COG5: variants seen among roughly 807,000 people sequenced by gnomAD.
The protein encoded by COG5 is conserved oligomeric Golgi complex subunit 5.
A neutral mutation model predicts 110.4 loss-of-function variants in COG5; 86 were observed. The ratio of observed to expected loss-of-function variants is 0.78; its 90% CI spans 0.65 to 0.93. The LOEUF is 0.93. COG5 is among the 40% of genes least tolerant of loss of function. COG5 has a pLI of 0.00. For synonymous variants in COG5, 360 were observed against 334.6 expected, an observed-to-expected ratio of 1.08 and a Z score of -0.83; for missense variants, 1,077 against 987.0, an observed-to-expected ratio of 1.09 and a Z score of -1.22.
At chr7:107,541,599 A>G (rs981944675) in intron 5 of COG5, among the ~76,000 whole-genome samples, 3 of 148,512 alleles carry the variant, frequency 2.0e-5, no homozygotes, top group African/African-American at 7.4e-5. Flanking sequence ...ATGTCATAAC[A>G]GAAAGAGAAG....
intron 6 of COG5, among the ~76,000 whole-genome samples, chr7:107,415,245 T>G (rs564874881): frequency 6.6e-6 from 1 of 152,154 alleles, no homozygotes; most frequent in African/African-American, 2.4e-5. Flanking sequence ...TAAATCTTCA[T>G]GCACCATGAT....
chr7:107,562,602 A>G (rs928565623), intron 1 of COG5, among the ~76,000 whole-genome samples: 2 of 152,238 alleles, frequency 1.3e-5, no homozygotes, highest in Admixed American at 6.5e-5. Context: ...AACTGCAAAT[A>G]TATCAGGGTC....
At chr7:107,407,358 G>A (rs1393646470) in intron 7 of COG5, among the ~76,000 whole-genome samples, 2 of 151,914 alleles carry the variant, frequency 1.3e-5, no homozygotes, top group African/African-American at 4.8e-5. Flanking sequence ...CTCCAACCTG[G>A]GCAACAAGCG....
chr7:107,412,654 ACATT>A (rs1412220191), intron 6 of COG5, 22 bp from the exon 7 acceptor site: 7 of 1,370,000 alleles, frequency 5.1e-6, no homozygotes, highest in Non-Finnish European at 7.2e-6. Flanking sequence ...AAAAACATAC[ACATT>A]CAAATATTTC....
At chr7:107,478,666 G>T (rs1214176377) in intron 6 of COG5, among the ~76,000 whole-genome samples, 1 of 151,862 alleles carries the variant, frequency 6.6e-6, no homozygotes, top group Non-Finnish European at 1.5e-5. Flanking sequence ...CATAGTACAT[G>T]ATATACTATA....
intron 3 of COG5, among the ~76,000 whole-genome samples, chr7:107,548,586 TG>T (rs988085137): frequency 6.6e-6 from 1 of 152,196 alleles, no homozygotes; most frequent in African/African-American, 2.4e-5. Context: ...GGTTTCCATC[TG>T]GGGTGATGGA....
At chr7:107,415,377 A>C (rs1316485767) in intron 6 of COG5, among the ~76,000 whole-genome samples, 1 of 152,208 alleles carries the variant, frequency 6.6e-6, no homozygotes, top group Non-Finnish European at 1.5e-5. Context: ...GAGAAAGAGT[A>C]AATGAGGCCA....
At chr7:107,412,710 CT>C in intron 6 of COG5, 78 bp from the exon 7 acceptor site, 1 of 785,548 alleles carries the variant, frequency 1.3e-6, no homozygotes, top group Non-Finnish European at 1.9e-6. Context: ...TGTATAACTT[CT>C]CAAAAAAAAA....
At chr7:107,450,654 G>A (rs1160174929) in intron 6 of COG5, among the ~76,000 whole-genome samples, 2 of 152,206 alleles carry the variant, frequency 1.3e-5, no homozygotes, top group Non-Finnish European at 2.9e-5. Context: ...TAGCTCCATT[G>A]TATTGTGCAA....
At chr7:107,533,199 C>T (rs550390757) in intron 5 of COG5, among the ~76,000 whole-genome samples, 7 of 151,542 alleles carry the variant, frequency 4.6e-5, no homozygotes, top group Non-Finnish European at 7.4e-5. Flanking sequence ...GATAAATCCA[C>T]GAAGATGAGG....
At chr7:107,280,365 A>G (rs1460036929) in intron 14 of COG5, among the ~76,000 whole-genome samples, 1 of 152,120 alleles carries the variant, frequency 6.6e-6, no homozygotes, top group Non-Finnish European at 1.5e-5. Context: ...TCGTAACATG[A>G]CTGTTACCTC....
rs1801778009 is a variant in COG5, at chr7:107,538,859, G to A, written c.417+9252C>T. Among the ~76,000 whole-genome samples the A allele has an allele frequency of 1.3e-5, 2 of 152,014 alleles. 1 individual carries two copies. The highest frequency in any genetic ancestry group is 4.1e-4 in the South Asian group (2 of 4,828). ...ACAACCTAAATATTCATCAACTGATGAAAGGATAAACAAATTGAATGGATA... is the reference window on the plus strand; with the variant it reads ...ACAACCTAAATATTCATCAACTGATAAAAGGATAAACAAATTGAATGGATA... On this transcript the variant is annotated intron_variant, in intron 5 of 21. Coordinates refer to ENST00000297135, the MANE Select transcript of COG5 (RefSeq NM_006348.5).
chr7:107,563,172 A>T (rs1399681702), intron 1 of COG5, among the ~76,000 whole-genome samples: 2 of 152,138 alleles, frequency 1.3e-5, no homozygotes, highest in Non-Finnish European at 2.9e-5. Context: ...ATTTTGGGCA[A>T]CTTCTCTCCA....
chr7:107,292,752 G>C (rs1394791140), intron 12 of COG5, among the ~76,000 whole-genome samples: 1 of 152,156 alleles, frequency 6.6e-6, no homozygotes, highest in Admixed American at 6.5e-5. Flanking sequence ...GAAGATAAGA[G>C]TAATCACCCC....
At chr7:107,491,939 T>A (rs935501686) in intron 6 of COG5, among the ~76,000 whole-genome samples, 1 of 152,124 alleles carries the variant, frequency 6.6e-6, no homozygotes, top group Non-Finnish European at 1.5e-5. Context: ...ATGAACTTCA[T>A]TAATCTGCAT....
chr7:107,539,445 T>C (rs1351346739), intron 5 of COG5, among the ~76,000 whole-genome samples: 1 of 152,190 alleles, frequency 6.6e-6, no homozygotes, highest in African/African-American at 2.4e-5. Flanking sequence ...AGGCAAATAC[T>C]ACATAATGAA....
intron 6 of COG5, among the ~76,000 whole-genome samples, chr7:107,487,571 C>T (rs1797722799): frequency 6.6e-6 from 1 of 151,864 alleles, no homozygotes; most frequent in South Asian, 2.1e-4. Context: ...CATTACTACA[C>T]AAAATATATT....
rs144189512 is a variant in COG5 at position 107,311,080 on chromosome 7, G to A, written c.1109-12734C>T. 3.2e-3 allele frequency among the ~76,000 whole-genome samples: 489 copies of A among 152,248 alleles called. 3 individuals are homozygous for A. Among genetic ancestry groups the A allele is most frequent in the African/African-American group, 0.011 (465 of 41,534 alleles). ...AAATAATCATGCAACAAATAGCCCGGCGAATGTCTGTTTAAATTTTTGCCA... is the reference window on the plus strand; with the variant it reads ...AAATAATCATGCAACAAATAGCCCGACGAATGTCTGTTTAAATTTTTGCCA... On this transcript the variant is annotated intron_variant, in intron 11 of 21. Transcript: ENST00000297135.
chr7:107,560,348 G>GA (rs1321788052), intron 1 of COG5, among the ~76,000 whole-genome samples: 2 of 152,156 alleles, frequency 1.3e-5, no homozygotes, highest in Non-Finnish European at 2.9e-5. Flanking sequence ...ACTAAGACCT[G>GA]AATAAGTGGC....
Sources: gnomAD v4.1 joint callset for allele counts (sites outside exome capture counted in the v4.1 genomes callset) on GRCh38, gnomAD v4.1.1 for gene constraint, MANE v1.5 for transcripts, NCBI Gene and HGNC (gene_info 2026-07-23, HGNC 2026-07-21) for gene names.